Variants in TMTC1 observed in about 807,000 individuals in gnomAD.
TMTC1 encodes protein O-mannosyl-transferase TMTC1.
A neutral mutation model predicts 104.8 loss-of-function variants in TMTC1; 73 were observed. The observed-to-expected ratio is 0.70, with a 90% CI of 0.58 to 0.85. The LOEUF (loss-of-function observed/expected upper bound fraction) is 0.85, where lower values mean the gene tolerates loss of function less well. Ranked by LOEUF, TMTC1 falls within the 40% of genes least tolerant of loss-of-function variation. The pLI, the probability that TMTC1 is intolerant of heterozygous loss-of-function variation, is 0.00. For missense variants in TMTC1, 1,035 were observed against 1,096.1 expected, an observed-to-expected ratio of 0.94 and a Z score of 0.79; for synonymous variants, 434 against 428.7, an observed-to-expected ratio of 1.01 and a Z score of -0.15.
Position 29,683,101 on chromosome 12 carries a change from C to T in TMTC1, c.939-49765G>A, listed in dbSNP as rs150253702. 2.1e-3 allele frequency among the ~76,000 whole-genome samples: 316 copies of T among 152,278 alleles called. No individual in the cohort carries two copies. In the Middle Eastern group the frequency reaches 0.027, roughly 13 times the overall value. ...GTGTCTTTTCCCTTGTGCCATGCCACCTCATTACTAAAGAACAGTAAACTC... is the reference window on the plus strand; with the variant it reads ...GTGTCTTTTCCCTTGTGCCATGCCATCTCATTACTAAAGAACAGTAAACTC... On this transcript the variant is annotated intron_variant, in intron 5 of 17. Transcript: ENST00000539277.
At chr12:29,541,921 T>A (rs1258241563) in intron 10 of TMTC1, among the ~76,000 whole-genome samples, 4 of 152,154 alleles carry the variant, frequency 2.6e-5, no homozygotes, top group Admixed American at 1.3e-4. Context: ...CCTCCCAAAG[T>A]ACTGGGATTA....
intron 9 of TMTC1, among the ~76,000 whole-genome samples, chr12:29,558,402 G>A (rs930996706): frequency 6.6e-6 from 1 of 152,170 alleles, no homozygotes; most frequent in Non-Finnish European, 1.5e-5. Flanking sequence ...CCTATTAAAA[G>A]GACAGGGAAG....
intron 1 of TMTC1, among the ~76,000 whole-genome samples, chr12:29,768,971 G>A (rs950067742): frequency 6.6e-6 from 1 of 152,092 alleles, no homozygotes; most frequent in Non-Finnish European, 1.5e-5. Context: ...TCTTTCCAGG[G>A]AGCACTGATA....
intron 5 of TMTC1, chr12:29,658,348 A>G (rs1939855323): frequency 6.6e-6 from 1 of 152,166 alleles, no homozygotes; most frequent in Non-Finnish European, 1.5e-5. Context: ...TACAGTCCAC[A>G]GGTCTTTTAT....
At chr12:29,590,645 C>T (rs1036131344) in intron 7 of TMTC1, among the ~76,000 whole-genome samples, 1 of 152,016 alleles carries the variant, frequency 6.6e-6, no homozygotes, top group Admixed American at 6.6e-5. Context: ...ATTAGCTGGG[C>T]GTGGTGGTGC....
chr12:29,657,213 T>A (rs1365904029), intron 5 of TMTC1, among the ~76,000 whole-genome samples: 2 of 152,120 alleles, frequency 1.3e-5, no homozygotes, highest in Non-Finnish European at 2.9e-5. Context: ...CTAAAGGAAA[T>A]GGAGCCATTA....
chr12:29,694,737 C>T (rs933337235), intron 5 of TMTC1, among the ~76,000 whole-genome samples: 2 of 152,068 alleles, frequency 1.3e-5, no homozygotes, highest in Non-Finnish European at 2.9e-5. Context: ...GTCAGGAGCT[C>T]GAGACCAGCC....
chr12:29,653,611 T>G (rs369634070), intron 5 of TMTC1, among the ~76,000 whole-genome samples: 4 of 134,814 alleles, frequency 3.0e-5, no homozygotes, highest in South Asian at 2.4e-4. Context: ...TTCATGCCAC[T>G]AAATGGATCT....
At chr12:29,598,018 A>T (rs1447561535) in intron 7 of TMTC1, among the ~76,000 whole-genome samples, 1 of 152,194 alleles carries the variant, frequency 6.6e-6, no homozygotes, top group Non-Finnish European at 1.5e-5. Context: ...GAAAACCACC[A>T]TTTGGGAACT....
chr12:29,664,110 C>T (rs1266129265), intron 5 of TMTC1, among the ~76,000 whole-genome samples: 1 of 150,052 alleles, frequency 6.7e-6, no homozygotes, highest in African/African-American at 2.4e-5. Context: ...TGGCGTGAAC[C>T]CGGGAGGCGG....
rs549769430 is a variant in TMTC1, at chr12:29,610,981, C to T, written c.1129-6682G>A. On this transcript the variant is annotated intron_variant, in intron 6 of 17. Coordinates refer to ENST00000539277, the MANE Select transcript of TMTC1 (RefSeq NM_001193451.2). ...AGGGGAAATGAATGAAGAAATTATA[C>T]CCCCTCAGAGACAAAAGTAGACTTG... Among the ~76,000 whole-genome samples the T allele has an allele frequency of 3.0e-3, 457 of 152,220 alleles. 3 individuals are homozygous for T. The highest frequency in any genetic ancestry group is 0.01 in the African/African-American group (434 of 41,528).
intron 5 of TMTC1, among the ~76,000 whole-genome samples, chr12:29,749,422 G>A (rs768348584): frequency 1.3e-5 from 2 of 152,098 alleles, no homozygotes; most frequent in Non-Finnish European, 2.9e-5. Context: ...CAGACACTGT[G>A]ACAGGAGCTG....
intron 7 of TMTC1, among the ~76,000 whole-genome samples, chr12:29,595,701 G>T (rs1946388359): frequency 6.6e-6 from 1 of 152,174 alleles, no homozygotes; most frequent in South Asian, 2.1e-4. Flanking sequence ...ACACATTCAA[G>T]TTAAAATCTT....
intron 4 of TMTC1, among the ~76,000 whole-genome samples, chr12:29,752,128 AAC>A (rs146261837): frequency 7.3e-5 from 11 of 150,284 alleles, no homozygotes; most frequent in South Asian, 4.3e-4. Flanking sequence ...GATGGCCACC[AAC>A]ACACACACAC....
At chr12:29,582,684 T>A (rs1946014978) in intron 8 of TMTC1, among the ~76,000 whole-genome samples, 1 of 152,174 alleles carries the variant, frequency 6.6e-6, no homozygotes, top group Admixed American at 6.5e-5. Context: ...CTGCTTCAAT[T>A]GTTTGCCCCC....
intron 7 of TMTC1, among the ~76,000 whole-genome samples, chr12:29,601,987 C>G (rs1946579402): frequency 6.6e-6 from 1 of 151,750 alleles, no homozygotes; most frequent in Non-Finnish European, 1.5e-5. Context: ...AGGCGCCCGC[C>G]ACCGTGCCTG....
At chr12:29,581,024 A>G (rs1421357360) in intron 8 of TMTC1, among the ~76,000 whole-genome samples, 2 of 152,346 alleles carry the variant, frequency 1.3e-5, no homozygotes, top group African/African-American at 2.4e-5. Flanking sequence ...CACTATACTC[A>G]GGAGATAAAC....
At chr12:29,717,275 G>T (rs539428872) in intron 5 of TMTC1, among the ~76,000 whole-genome samples, 1 of 152,094 alleles carries the variant, frequency 6.6e-6, no homozygotes, top group Non-Finnish European at 1.5e-5. Context: ...AGGCGTTCAC[G>T]GGATTTCAAA....
chr12:29,521,373 C>A (rs1483773276), intron 11 of TMTC1, among the ~76,000 whole-genome samples: 1 of 152,086 alleles, frequency 6.6e-6, no homozygotes, highest in Non-Finnish European at 1.5e-5. Context: ...GAGCTGCTCC[C>A]TCCAACAGGT....
Sources: allele counts gnomAD v4.1 joint callset (sites outside exome capture counted in the v4.1 genomes callset), GRCh38; gene constraint gnomAD v4.1.1; transcripts MANE v1.5; gene names NCBI Gene and HGNC (gene_info 2026-07-23, HGNC 2026-07-21).